Variants in MAMDC2 observed in about 807,000 individuals in gnomAD.
MAMDC2 encodes the protein MAM domain containing 2, also known as MAM domain-containing protein 2.
Under a neutral mutation model 89.8 loss-of-function variants are expected in MAMDC2, and 57 were observed. That is an observed-to-expected ratio of 0.63 (90% CI 0.51 to 0.79). The LOEUF is 0.79. MAMDC2 is among the 30% of genes least tolerant of loss of function. The probability of loss-of-function intolerance (pLI) is 0.00; values close to 1 mark genes in which losing one functional copy is unlikely to be tolerated. For missense variants in MAMDC2, 800 were observed against 820.6 expected (o/e 0.97, Z 0.31); for synonymous variants, 313 against 293.4 (o/e 1.07, Z -0.68).
chr9:70,177,503 A>C (rs557588694), intron 11 of MAMDC2, among the ~76,000 whole-genome samples: 1 of 152,260 alleles, frequency 6.6e-6, no homozygotes, highest in African/African-American at 2.4e-5. Context: ...GGTAACCGAA[A>C]CCATGGAAGG....
At chr9:70,205,045 C>T (rs918981969) in intron 11 of MAMDC2, among the ~76,000 whole-genome samples, 2 of 152,194 alleles carry the variant, frequency 1.3e-5, no homozygotes, top group Admixed American at 6.5e-5. Flanking sequence ...AGCTGTAGAC[C>T]AGAGCTGTTC....
intron 7 of MAMDC2, among the ~76,000 whole-genome samples, chr9:70,135,437 G>A (rs1422596620): frequency 3.3e-5 from 5 of 152,052 alleles, no homozygotes; most frequent in Admixed American, 1.3e-4. Context: ...AGCACTCTAG[G>A]TGAAAAAGAT....
chr9:70,154,997 C>T (rs1052723327), intron 9 of MAMDC2, among the ~76,000 whole-genome samples: 3 of 152,104 alleles, frequency 2.0e-5, no homozygotes, highest in Non-Finnish European at 2.9e-5. Flanking sequence ...AGCCTCCATT[C>T]TGCGATCATG....
intron 9 of MAMDC2, among the ~76,000 whole-genome samples, chr9:70,158,063 T>C (rs941446604): frequency 6.6e-6 from 1 of 152,164 alleles, no homozygotes; most frequent in East Asian, 1.9e-4. Flanking sequence ...GGTCAGGTGA[T>C]CCTCCCACCT....
At chr9:70,130,327 G>T (rs1300713232) in intron 6 of MAMDC2, among the ~76,000 whole-genome samples, 1 of 152,070 alleles carries the variant, frequency 6.6e-6, no homozygotes, top group Non-Finnish European at 1.5e-5. Flanking sequence ...CAGGGTTTCT[G>T]TCTCTATTTC....
chr9:70,116,314 A>G (rs1285465051), intron 5 of MAMDC2, among the ~76,000 whole-genome samples: 1 of 152,170 alleles, frequency 6.6e-6, no homozygotes, highest in Non-Finnish European at 1.5e-5. Context: ...CCTGAGTGCA[A>G]TTCATCCTTT....
chr9:70,140,238 T>C lies in MAMDC2; in HGVS notation c.1088T>C (p.Val363Ala), dbSNP rs144542381. ...QDKEGPGWTR[V>A]KVKPNMYRAG... Reference sequence around the variant, plus strand: ...AAAGAAGGTCCAGGTTGGACCCGAGTGAAAGTAAAACCAAACATGTATCGG... The same window carrying C: ...AAAGAAGGTCCAGGTTGGACCCGAGCGAAAGTAAAACCAAACATGTATCGG... The change falls in exon 8 of 14, where the codon GTG becomes GCG. Residue 363 changes from valine (V) to alanine (A), a missense_variant. Physicochemically the swap from Val to Ala is moderately conservative, Grantham distance 64 (BLOSUM62 0). Coordinates refer to ENST00000377182, the MANE Select transcript of MAMDC2 (RefSeq NM_153267.5). The C allele has an allele frequency of 1.6e-5, 26 of 1,601,222 alleles. No individual in the cohort carries two copies. The African/African-American group carries it at 2.7e-4, about 17-fold the overall frequency.
chr9:70,101,144 AAG>A (rs1330853946), intron 2 of MAMDC2, among the ~76,000 whole-genome samples: 3 of 152,208 alleles, frequency 2.0e-5, no homozygotes, highest in Non-Finnish European at 4.4e-5. Context: ...TTTTAACAAA[AAG>A]TTTGAAAAGT....
chr9:70,156,975 C>T (rs1003711172), intron 9 of MAMDC2, among the ~76,000 whole-genome samples: 5 of 152,256 alleles, frequency 3.3e-5, no homozygotes, highest in Admixed American at 6.5e-5. Flanking sequence ...TCCATTCTTT[C>T]GTGAGTTTTC....
At chr9:70,169,565 GAAGA>G (rs2032271804) in intron 10 of MAMDC2, 1 of 152,182 alleles carries the variant, frequency 6.6e-6, no homozygotes, top group African/African-American at 2.4e-5. Flanking sequence ...TCAAGGCATA[GAAGA>G]AAGAATGAGG....
chr9:70,114,429 T>G (rs1383556895), intron 5 of MAMDC2, among the ~76,000 whole-genome samples: 4 of 151,772 alleles, frequency 2.6e-5, no homozygotes, highest in Non-Finnish European at 5.9e-5. Context: ...TTCCCAAATT[T>G]TTAAAAGTTG....
intron 9 of MAMDC2, among the ~76,000 whole-genome samples, chr9:70,163,516 T>C (rs540162243): frequency 3.3e-5 from 5 of 152,226 alleles, no homozygotes; most frequent in Admixed American, 2.6e-4. Flanking sequence ...CGTGAGCCAC[T>C]GTGCCTGGCC....
chr9:70,156,120 T>C (rs1242319695), intron 9 of MAMDC2, among the ~76,000 whole-genome samples: 2 of 152,230 alleles, frequency 1.3e-5, no homozygotes, highest in Admixed American at 6.5e-5. Context: ...GTTTTAACAT[T>C]GTGCAACATG....
chr9:70,099,290 C>T (rs539204892), intron 2 of MAMDC2, among the ~76,000 whole-genome samples: 17 of 152,248 alleles, frequency 1.1e-4, no homozygotes, highest in African/African-American at 3.1e-4. Flanking sequence ...TCTAATAACA[C>T]GATCAACTTT....
rs1311722699 is a variant in MAMDC2, at chr9:70,175,670, G to A, written c.1651+5039G>A. ...CTTAGAACATATCCCTCAAGGATAA[G>A]GGGGAACTACTGTAGTTTGCCAGGG... On this transcript the variant is annotated intron_variant, in intron 11 of 13. Transcript: ENST00000377182. The A allele has an allele frequency of 2.0e-5, 3 of 152,172 alleles. No homozygotes were observed. The East Asian group carries it at 5.8e-4, about 29-fold the overall frequency. 9.4% of individuals were successfully genotyped at this position (152,172 alleles called of 1,614,324 possible).
chr9:70,059,899 G>T (rs1332287561), intron 2 of MAMDC2, among the ~76,000 whole-genome samples: 1 of 152,154 alleles, frequency 6.6e-6, no homozygotes, highest in South Asian at 2.1e-4. Flanking sequence ...ATAGGTAAGG[G>T]TGTGCACTAG....
chr9:70,156,538 A>G (rs1232853183), intron 9 of MAMDC2, among the ~76,000 whole-genome samples: 1 of 152,266 alleles, frequency 6.6e-6, no homozygotes, highest in Non-Finnish European at 1.5e-5. Context: ...TTAATGTCCC[A>G]GCATTATTAA....
chr9:70,196,370 A>T (rs1412841106), intron 11 of MAMDC2, among the ~76,000 whole-genome samples: 3 of 152,112 alleles, frequency 2.0e-5, no homozygotes, highest in Non-Finnish European at 4.4e-5. Context: ...AGTACATGAT[A>T]AGTATTTAGT....
intron 2 of MAMDC2, among the ~76,000 whole-genome samples, chr9:70,098,723 T>C (rs1453448115): frequency 6.6e-6 from 1 of 152,222 alleles, no homozygotes; most frequent in Admixed American, 6.5e-5. Context: ...AAGGAAATAT[T>C]TGGAGACAGC....
Sources: gnomAD v4.1 joint callset for allele counts (sites outside exome capture counted in the v4.1 genomes callset) on GRCh38, gnomAD v4.1.1 for gene constraint, MANE v1.5 for transcripts, NCBI Gene and HGNC (gene_info 2026-07-23, HGNC 2026-07-21) for gene names.